Variants in RASA1 observed in about 807,000 individuals in gnomAD.
RASA1 encodes ras GTPase-activating protein 1.
RASA1 carries 25 observed loss-of-function variants against 132.2 expected under a neutral mutation model. The ratio of observed to expected loss-of-function variants is 0.19; its 90% CI spans 0.14 to 0.26. The LOEUF is 0.26. Among genes scored for constraint, RASA1 ranks in the 10% least tolerant of loss-of-function variants. The pLI is 1.00. For missense variants in RASA1, 964 were observed against 1,299.2 expected, an observed-to-expected ratio of 0.74 and a Z score of 3.97; for synonymous variants, 477 against 449.9, an observed-to-expected ratio of 1.06 and a Z score of -0.76.
chr5:87,268,833 C>G lies in RASA1; in HGVS notation c.382C>G (p.Leu128Val). Reference protein sequence around the residue: ...KLPTSLLAETLGPGGGFPPLP... With the variant: ...KLPTSLLAETVGPGGGFPPLP... ...GCCCACTTCGTTGCTTGCTGAGACT[C>G]TCGGGCCAGGCGGCGGTTTTCCCCC... The change falls in exon 1 of 25, where the codon CTC becomes GTC. Residue 128 changes from leucine to valine, a missense_variant. Around this residue, in one of 6 missense-constraint regions of RASA1, gnomAD observed 326 missense variants for 275.8 expected, o/e 1.18. Transcript: ENST00000274376. 5.0e-6 allele frequency: 8 copies of G among 1,614,130 alleles called. No individual in the cohort carries two copies. Among genetic ancestry groups the G allele is most frequent in the African/African-American group, 1.3e-5 (1 of 75,050 alleles).
intron 1 of RASA1, among the ~76,000 whole-genome samples, chr5:87,308,981 A>T (rs1755746925): frequency 6.6e-6 from 1 of 152,162 alleles, no homozygotes; most frequent in South Asian, 2.1e-4. Context: ...AATGCATAAG[A>T]TTAAGTTTTC....
intron 9 of RASA1, among the ~76,000 whole-genome samples, chr5:87,357,738 T>C (rs1045304179): frequency 6.6e-6 from 1 of 152,118 alleles, no homozygotes; most frequent in African/African-American, 2.4e-5. Context: ...ATGTGGCATC[T>C]AATAAACTTG....
intron 3 of RASA1, among the ~76,000 whole-genome samples, 163 bp downstream of exon 3, chr5:87,332,805 G>GA (rs201803930): frequency 8.1e-5 from 12 of 148,510 alleles, no homozygotes; most frequent in African/African-American, 1.5e-4. Flanking sequence ...CAACTTCTTT[G>GA]AAAAAAAAAG....
chr5:87,381,773 A>G (rs1397855496), intron 20 of RASA1, among the ~76,000 whole-genome samples: 1 of 152,226 alleles, frequency 6.6e-6, no homozygotes, highest in Admixed American at 6.6e-5. Flanking sequence ...GTTTCAAACA[A>G]GTATAACTGT....
At chr5:87,378,711 TAA>T (rs34112481) in intron 18 of RASA1, among the ~76,000 whole-genome samples, 173 bp downstream of exon 18, 1 of 152,204 alleles carries the variant, frequency 6.6e-6, no homozygotes, top group Non-Finnish European at 1.5e-5. Flanking sequence ...ATGGACTTCT[TAA>T]AAAAGATGTA....
At position 87,268,442 on chromosome 5, in the gene RASA1, G is replaced by A; in HGVS notation, c.-10G>A. ...CGGGCAGGGTAGGGCAGAGTAGAGC[G>A]GGCTTCAACATGATGGCGGCCGAGG... On this transcript the variant is annotated 5_prime_UTR_variant, in exon 1 of 25. Coordinates refer to ENST00000274376, the MANE Select transcript of RASA1 (RefSeq NM_002890.3). 6.5e-7 allele frequency: 1 copy of A among 1,541,418 alleles called. No individual in the cohort carries two copies. Among genetic ancestry groups the A allele is most frequent in the Non-Finnish European group, 8.8e-7 (1 of 1,142,306 alleles).
chr5:87,355,281 ACT>A (rs1408559171), intron 9 of RASA1, among the ~76,000 whole-genome samples: 1 of 152,088 alleles, frequency 6.6e-6, no homozygotes, highest in Non-Finnish European at 1.5e-5. Context: ...AGGCTGACTG[ACT>A]CTTTTCAGGG....
rs114067126 is a variant in RASA1, at chr5:87,356,710, C to T, written c.1332+3475C>T. Among the ~76,000 whole-genome samples, 629 of 152,272 alleles carry T rather than the reference C, an allele frequency of 4.1e-3. 9 individuals carry two copies. Among genetic ancestry groups the T allele is most frequent in the African/African-American group, 0.014 (602 of 41,546 alleles). ...GTAATAAAATATTTTTAAATTAACA[C>T]GTGTACATTGTTAGACATAATGCTA... On this transcript the variant is annotated intron_variant, in intron 9 of 24. Coordinates refer to ENST00000274376, the MANE Select transcript of RASA1 (RefSeq NM_002890.3).
intron 19 of RASA1, 23 bp downstream of exon 19, chr5:87,379,873 G>T: frequency 1.2e-6 from 2 of 1,606,674 alleles, no homozygotes; most frequent in South Asian, 2.2e-5. Context: ...ATTTTCATTT[G>T]ACAAGAAATT....
chr5:87,371,776 T>A (rs1319032176), intron 12 of RASA1, among the ~76,000 whole-genome samples: 1 of 152,156 alleles, frequency 6.6e-6, no homozygotes, highest in Non-Finnish European at 1.5e-5. Context: ...AGCTTAATTA[T>A]ACAGTTAATT....
intron 1 of RASA1, chr5:87,269,259 G>C (rs763040539): frequency 1.3e-6 from 2 of 1,539,044 alleles, no homozygotes; most frequent in Non-Finnish European, 8.7e-7. Flanking sequence ...AATGAGAACC[G>C]GATATAGTTC....
intron 5 of RASA1, among the ~76,000 whole-genome samples, chr5:87,338,536 A>ATATATATATTTTTTTTTTTTTTT: frequency 1.2e-5 from 1 of 85,216 alleles, no homozygotes; most frequent in African/African-American, 4.4e-5. Context: ...TATATATAAA[A>ATATATATATTTTTTTTTTTTTTT]TTTTTTTTTT....
intron 5 of RASA1, 140 bp downstream of exon 5, chr5:87,338,231 C>G: frequency 7.4e-7 from 1 of 1,349,440 alleles, no homozygotes; most frequent in Non-Finnish European, 1.0e-6. Flanking sequence ...ATTATAAGTG[C>G]TGTTTGTTAG....
chr5:87,292,495 T>C (rs1207347661), intron 1 of RASA1, among the ~76,000 whole-genome samples: 1 of 152,068 alleles, frequency 6.6e-6, no homozygotes, highest in African/African-American at 2.4e-5. Flanking sequence ...TGGGTCTGTT[T>C]CTGGGTTTCC....
intron 1 of RASA1, chr5:87,269,332 A>T (rs1310733025): frequency 1.3e-6 from 2 of 1,528,538 alleles, no homozygotes; most frequent in African/African-American, 1.4e-5. Context: ...CAAGGCAGTC[A>T]TAGTGTATAT....
intron 1 of RASA1, among the ~76,000 whole-genome samples, chr5:87,302,946 T>C (rs1437135562): frequency 6.6e-6 from 1 of 152,158 alleles, no homozygotes; most frequent in Non-Finnish European, 1.5e-5. Flanking sequence ...AGATGCTTTA[T>C]TGTCTTTTTC....
At chr5:87,296,960 C>G (rs1349228935) in intron 1 of RASA1, among the ~76,000 whole-genome samples, 2 of 151,928 alleles carry the variant, frequency 1.3e-5, no homozygotes, top group Non-Finnish European at 2.9e-5. Context: ...TCTTTTTCCT[C>G]TCTTTTTTTT....
chr5:87,277,479 A>C (rs1372408268), intron 1 of RASA1, among the ~76,000 whole-genome samples: 2 of 152,202 alleles, frequency 1.3e-5, no homozygotes, highest in African/African-American at 4.8e-5. Flanking sequence ...TGAGTGCATC[A>C]AGAAAAGGTC....
chr5:87,370,838 C>G (rs1413354556), intron 12 of RASA1, among the ~76,000 whole-genome samples: 1 of 152,140 alleles, frequency 6.6e-6, no homozygotes, highest in African/African-American at 2.4e-5. Context: ...GGAAGATGCT[C>G]TTAAAACTAG....
Sources: allele counts gnomAD v4.1 joint callset (sites outside exome capture counted in the v4.1 genomes callset), GRCh38; gene constraint gnomAD v4.1.1; regional missense constraint gnomAD v4.1.1; transcripts MANE v1.5; gene names NCBI Gene and HGNC (gene_info 2026-07-23, HGNC 2026-07-21).